The following DRG1 variants were observed in gnomAD, a reference collection of about 807,000 sequenced individuals.
The protein encoded by DRG1 is developmentally-regulated GTP-binding protein 1.
A neutral mutation model predicts 38.8 loss-of-function variants in DRG1; 19 were observed. The observed-to-expected ratio is 0.49, with a 90% CI of 0.34 to 0.72. The LOEUF (loss-of-function observed/expected upper bound fraction) is 0.72, where lower values mean the gene tolerates loss of function less well. Ranked by LOEUF, DRG1 falls within the 30% of genes least tolerant of loss-of-function variation. The pLI is 0.01. For missense variants in DRG1, 299 were observed against 444.8 expected, an observed-to-expected ratio of 0.67 and a Z score of 2.95; for synonymous variants, 167 against 157.5, an observed-to-expected ratio of 1.06 and a Z score of -0.45.
intron 4 of DRG1, 78 bp downstream of exon 4, chr22:31,411,159 C>G: frequency 6.7e-7 from 1 of 1,502,414 alleles, no homozygotes; most frequent in African/African-American, 1.4e-5. Context: ...GACTACTTGG[C>G]TTGGAGATTA....
At chr22:31,419,574 C>G (rs182945325) in intron 4 of DRG1, among the ~76,000 whole-genome samples, 156 of 152,094 alleles carry the variant, frequency 1.0e-3, no homozygotes, top group African/African-American at 3.6e-3. Flanking sequence ...CAGTGGTTGG[C>G]TGGCAATAGT....
At chr22:31,409,661 G>A (rs2050008031) in intron 3 of DRG1, among the ~76,000 whole-genome samples, 1 of 152,124 alleles carries the variant, frequency 6.6e-6, no homozygotes, top group Non-Finnish European at 1.5e-5. Flanking sequence ...TTATATGGAG[G>A]CTCAGCCTTC....
At chr22:31,409,198 C>A (rs1278138326) in intron 3 of DRG1, among the ~76,000 whole-genome samples, 1 of 152,172 alleles carries the variant, frequency 6.6e-6, no homozygotes. Context: ...CATTCTTGTG[C>A]CTCAGCCTCC....
intron 3 of DRG1, among the ~76,000 whole-genome samples, chr22:31,405,116 T>G (rs1228668035): frequency 6.6e-6 from 1 of 152,090 alleles, no homozygotes; most frequent in East Asian, 1.9e-4. Flanking sequence ...TATTTCCCTC[T>G]GAAGAAAAGC....
intron 4 of DRG1, among the ~76,000 whole-genome samples, chr22:31,414,780 C>CT (rs1171073361): frequency 0.066 from 8,669 of 132,182 alleles, 283 homozygotes; most frequent in South Asian, 0.098. Flanking sequence ...GGCACATTTT[C>CT]TTTTTTTTTT....
At chr22:31,427,467 A>G (rs921449300) in intron 8 of DRG1, among the ~76,000 whole-genome samples, 1 of 152,174 alleles carries the variant, frequency 6.6e-6, no homozygotes, top group South Asian at 2.1e-4. Context: ...ATTCCTGCCA[A>G]TGTCACACTG....
chr22:31,402,120 TCAA>T (rs1459971156), intron 2 of DRG1, among the ~76,000 whole-genome samples: 1 of 152,012 alleles, frequency 6.6e-6, no homozygotes, highest in African/African-American at 2.4e-5. Context: ...ACCTATATCA[TCAA>T]CAAGATTAAA....
rs574186778 is a variant in DRG1 at position 31,431,494 on chromosome 22, G to A, written c.1005-2378G>A. Among the ~76,000 whole-genome samples the A allele has an allele frequency of 2.8e-4, 42 of 152,178 alleles. 1 individual carries two copies. The South Asian group carries it at 7.3e-3, about 26-fold the overall frequency. ...AGACTAGGCAATATAGTGAGACCCC[G>A]TTTTTATCAAAAATAAAAAAATTAG... is the stretch of plus-strand genomic sequence containing the variant. On this transcript the variant is annotated intron_variant, in intron 8 of 8. Coordinates refer to ENST00000331457, the MANE Select transcript of DRG1 (RefSeq NM_004147.4).
intron 5 of DRG1, 108 bp downstream of exon 5, chr22:31,420,533 C>G (rs2050071249): frequency 2.3e-6 from 3 of 1,316,702 alleles, no homozygotes; most frequent in African/African-American, 1.5e-5. Context: ...TTTCCCTGCA[C>G]TAATTGAGAT....
intron 8 of DRG1, among the ~76,000 whole-genome samples, chr22:31,430,529 A>C (rs968663006): frequency 8.6e-5 from 13 of 151,470 alleles, no homozygotes; most frequent in Admixed American, 8.6e-4. Context: ...CCTCCTGAGT[A>C]GCTGGGACTA....
rs547816942 is a variant in DRG1, at chr22:31,423,284, C to T, written c.587C>T (p.Pro196Leu). The change falls in exon 6 of 9, where the codon CCC (proline) becomes CTC (leucine). Residue 196 changes from proline (P) to leucine (L), a missense_variant. By Grantham distance (98) the Pro-to-Leu change is moderately conservative. Transcript: ENST00000331457. ...KGGINLTATC[P>L]QSELDAETVK... ...TCATCTGCTATTCCCTTTCAGTGCC[C>T]CCAGAGTGAGCTGGATGCTGAAACT... 6.2e-7 allele frequency: 1 copy of T among 1,613,778 alleles called. No homozygotes were observed. Among genetic ancestry groups the T allele is most frequent in the Admixed American group, 1.7e-5 (1 of 59,970 alleles).
At chr22:31,410,990 TC>T (rs2050015303) in intron 3 of DRG1, 21 bp from the exon 4 acceptor site, 2 of 1,612,614 alleles carry the variant, frequency 1.2e-6, no homozygotes, top group African/African-American at 2.7e-5. Context: ...TTCATCCTCT[TC>T]CCCCATTCTT....
intron 3 of DRG1, among the ~76,000 whole-genome samples, chr22:31,403,977 CTTTTTTTTTTTTT>C (rs11295429): frequency 2.4e-5 from 2 of 81,804 alleles, no homozygotes; most frequent in African/African-American, 9.7e-5. Context: ...AAGAGAATAA[CTTTTTTTTTTTTT>C]TTTTTTTTTT....
chr22:31,412,538 A>T (rs5997980), intron 4 of DRG1, among the ~76,000 whole-genome samples: 69,072 of 150,408 alleles, frequency 0.46, 16,640 homozygotes, highest in Middle Eastern at 0.57. Context: ...TTTAGTAAAG[A>T]TGGGGTTTCA....
intron 6 of DRG1, among the ~76,000 whole-genome samples, chr22:31,424,704 C>T (rs1172187915): frequency 6.7e-6 from 1 of 150,048 alleles, no homozygotes; most frequent in Non-Finnish European, 1.5e-5. Flanking sequence ...TTCATGTTGG[C>T]CAGGCTGGTC....
chr22:31,432,856 G>C (rs1601537910), intron 8 of DRG1, among the ~76,000 whole-genome samples: 1 of 152,226 alleles, frequency 6.6e-6, no homozygotes, highest in East Asian at 1.9e-4. Context: ...ACCGTGCCCG[G>C]CCTGGAATAT....
intron 3 of DRG1, 25 bp downstream of exon 3, chr22:31,403,229 A>T: frequency 2.5e-6 from 4 of 1,577,504 alleles, no homozygotes; most frequent in Non-Finnish European, 3.4e-6. Flanking sequence ...CAGACTAAGG[A>T]AGGAAAGAAA....
At chr22:31,431,035 C>CTTTT (rs1365360511) in intron 8 of DRG1, among the ~76,000 whole-genome samples, 2 of 56,768 alleles carry the variant, frequency 3.5e-5, no homozygotes, top group African/African-American at 6.7e-5. Context: ...CCCCCCCCCG[C>CTTTT]TTTTTTTTTT....
Position 31,406,372 on chromosome 22 carries a change from A to G in DRG1, c.342+3168A>G, listed in dbSNP as rs1055359269. 2.2e-4 allele frequency among the ~76,000 whole-genome samples: 34 copies of G among 152,252 alleles called. No individual in the cohort carries two copies. The East Asian group carries it at 5.6e-3, about 25-fold the overall frequency. ...TTACATAAACAAAAACCACATATAAATATAAATGCACTTTCTTTTCCATAG... is the reference window on the plus strand; with the variant it reads ...TTACATAAACAAAAACCACATATAAGTATAAATGCACTTTCTTTTCCATAG... On this transcript the variant is annotated intron_variant, in intron 3 of 8. Transcript: ENST00000331457.
Sources: allele counts gnomAD v4.1 joint callset (sites outside exome capture counted in the v4.1 genomes callset), GRCh38; gene constraint gnomAD v4.1.1; transcripts MANE v1.5; gene names NCBI Gene and HGNC (gene_info 2026-07-23, HGNC 2026-07-21).